RFT1: variants seen among roughly 807,000 people sequenced by gnomAD.
RFT1 encodes the protein man(5)GlcNAc(2)-PP-dolichol translocation protein RFT1.
In RFT1, 43 loss-of-function variants were observed where a neutral mutation model predicts 62.2. The ratio of observed to expected loss-of-function variants is 0.69; its 90% CI spans 0.54 to 0.89. The LOEUF (loss-of-function observed/expected upper bound fraction) is 0.89. Among genes scored for constraint, RFT1 ranks in the 40% least tolerant of loss-of-function variants. The pLI is 0.00. For missense variants in RFT1, 605 were observed against 649.9 expected, an observed-to-expected ratio of 0.93 and a Z score of 0.75; for synonymous variants, 262 against 264.6, an observed-to-expected ratio of 0.99 and a Z score of 0.10.
chr3:53,099,465 T>C lies in RFT1; in HGVS notation c.1124A>G (p.Tyr375Cys), dbSNP rs1701249101. Residue 375 changes from tyrosine to cysteine, a missense_variant, in exon 11 of 13, where the codon TAC becomes TGC. Coordinates refer to ENST00000296292, the MANE Select transcript of RFT1 (RefSeq NM_052859.4). ...SGSGPVLLRS[Y>C]CLYVLLLAIN... ...GGCAAGCAGGAGAACATAGAGACAG[T>C]AGGAACGCAGCAAAACAGGACCTAC... is the stretch of plus-strand genomic sequence containing the variant. 1 of 1,613,598 alleles carries C rather than the reference T, an allele frequency of 6.2e-7. No individual in the cohort carries two copies. Among genetic ancestry groups the C allele is most frequent in the Non-Finnish European group, 8.5e-7 (1 of 1,179,844 alleles).
the RFT1 span, among the ~76,000 whole-genome samples, chr3:53,067,888 C>T: frequency 3.9e-5 from 6 of 152,168 alleles, no homozygotes; most frequent in Non-Finnish European, 7.3e-5. Flanking sequence ...TACAGCAGGG[C>T]GATTTTGGTG....
rs2107109292 is a variant in RFT1, at chr3:53,104,067, C to G, written c.988G>C (p.Glu330Gln). ...AGCAGGGCCAGCTTGAGCAGGGACT[C>G]CAAGACTGCAGCAGCCACAGCAACG... ...EDVAVAAAVL[E>Q]SLLKLALLAG... Residue 330 changes from glutamate to glutamine, a missense_variant, in exon 10 of 13, where the codon GAG becomes CAG. By Grantham distance (29) the Glu-to-Gln change is conservative. Coordinates refer to ENST00000296292, the MANE Select transcript of RFT1 (RefSeq NM_052859.4). 2.5e-6 allele frequency: 4 copies of G among 1,614,094 alleles called. No individual in the cohort carries two copies. Among genetic ancestry groups the G allele is most frequent in the Non-Finnish European group, 3.4e-6 (4 of 1,180,016 alleles).
the RFT1 span, among the ~76,000 whole-genome samples, chr3:53,067,223 G>A: frequency 1.3e-5 from 2 of 152,176 alleles, no homozygotes; most frequent in Non-Finnish European, 2.9e-5. Flanking sequence ...GAGCATGTCT[G>A]TAGTCCCAGC....
the RFT1 span, among the ~76,000 whole-genome samples, chr3:53,073,381 AG>A: frequency 1.7e-4 from 26 of 152,178 alleles, no homozygotes; most frequent in Middle Eastern, 3.4e-3. Flanking sequence ...CCGCAAGTGG[AG>A]GGGGCGGGGA....
At chr3:53,119,171 G>A (rs1701896955) in intron 6 of RFT1, among the ~76,000 whole-genome samples, 1 of 151,586 alleles carries the variant, frequency 6.6e-6, no homozygotes, top group Admixed American at 6.6e-5. Flanking sequence ...CTATGATCAC[G>A]CCACTATGGG....
At position 53,088,665 on chromosome 3, in the gene RFT1, C is replaced by A. The variant is rs1203221097; in HGVS notation, c.*3238G>T. On this transcript the variant is annotated 3_prime_UTR_variant, in exon 13 of 13. Coordinates refer to ENST00000296292, the MANE Select transcript of RFT1 (RefSeq NM_052859.4). Reference sequence around the variant, plus strand: ...TCAAGGCAACAGTGAGATCCAGTCTCTACAAAAAAAAATTAGAAATTAGCT... The same window carrying A: ...TCAAGGCAACAGTGAGATCCAGTCTATACAAAAAAAAATTAGAAATTAGCT... 3 of 150,950 alleles carry A rather than the reference C, an allele frequency of 2.0e-5. No individual in the cohort carries two copies. In the East Asian group the frequency reaches 5.9e-4, roughly 29 times the overall value. 9.4% of individuals were successfully genotyped at this position (150,950 alleles called of 1,614,324 possible). A position where few individuals can be genotyped will look rare whatever the true frequency, so the allele number is the denominator to read the frequency against.
intron 3 of RFT1, among the ~76,000 whole-genome samples, chr3:53,123,112 A>G (rs901043287): frequency 6.6e-6 from 1 of 152,244 alleles, no homozygotes; most frequent in Non-Finnish European, 1.5e-5. Flanking sequence ...AGCCCTCATG[A>G]CAGTCATTTC....
At chr3:53,110,594 G>C (rs1044346559) in intron 7 of RFT1, among the ~76,000 whole-genome samples, 5 of 152,156 alleles carry the variant, frequency 3.3e-5, no homozygotes, top group African/African-American at 1.2e-4. Flanking sequence ...TCACAGATGG[G>C]GAAAGCGAGG....
chr3:53,094,300 T>C (rs956744035), intron 11 of RFT1, among the ~76,000 whole-genome samples: 6 of 152,024 alleles, frequency 3.9e-5, no homozygotes, highest in African/African-American at 1.5e-4. Context: ...GCCAAGGTGC[T>C]GTGTGCTGTG....
chr3:53,086,504 C>T (rs544195940), downstream of RFT1, among the ~76,000 whole-genome samples: 3 of 151,950 alleles, frequency 2.0e-5, no homozygotes, highest in African/African-American at 4.8e-5. Context: ...TTAGTAGTGA[C>T]GGGGTTTCAC....
intron 11 of RFT1, among the ~76,000 whole-genome samples, chr3:53,098,463 C>T (rs976549892): frequency 1.3e-5 from 2 of 152,148 alleles, no homozygotes; most frequent in African/African-American, 2.4e-5. Flanking sequence ...CATGGCCAGG[C>T]TTCTGAGGGC....
intron 3 of RFT1, among the ~76,000 whole-genome samples, 172 bp from the exon 4 acceptor site, chr3:53,122,735 C>T (rs957740891): frequency 1.3e-5 from 2 of 152,124 alleles, no homozygotes; most frequent in African/African-American, 2.4e-5. Flanking sequence ...CTCACTGACA[C>T]CTCACAATGA....
the RFT1 span, among the ~76,000 whole-genome samples, chr3:53,080,299 T>C: frequency 6.6e-6 from 1 of 152,242 alleles, no homozygotes; most frequent in East Asian, 1.9e-4. Flanking sequence ...TGGCGTTTCT[T>C]CCCCGGGCCT....
rs1700930155 is a variant in RFT1 at position 53,089,355 on chromosome 3, G to C, written c.*2548C>G. ...AGGAGCACAGGAAGTCAGCGATACT[G>C]TTCTTCTCACCAACGAATGCTCCTT... is the stretch of plus-strand genomic sequence containing the variant. On this transcript the variant is annotated 3_prime_UTR_variant, in exon 13 of 13. Coordinates refer to ENST00000296292, the MANE Select transcript of RFT1 (RefSeq NM_052859.4). 6.6e-6 allele frequency: 1 copy of C among 152,250 alleles called. No individual in the cohort carries two copies. The highest frequency in any genetic ancestry group is 1.5e-5 in the Non-Finnish European group (1 of 68,070). 9.4% of individuals were successfully genotyped at this position (152,250 alleles called of 1,614,324 possible).
At chr3:53,114,816 C>A (rs999180099) in intron 6 of RFT1, among the ~76,000 whole-genome samples, 1 of 152,154 alleles carries the variant, frequency 6.6e-6, no homozygotes, top group African/African-American at 2.4e-5. Flanking sequence ...GGAATCAGAA[C>A]TCAGAGGCTC....
intron 7 of RFT1, among the ~76,000 whole-genome samples, chr3:53,110,960 A>G (rs143060965): frequency 8.4e-4 from 128 of 152,314 alleles, no homozygotes; most frequent in Middle Eastern, 3.4e-3. Flanking sequence ...GGCCCTCCAC[A>G]TTGAGAGCTC....
intron 6 of RFT1, among the ~76,000 whole-genome samples, chr3:53,115,382 G>A (rs960560518): frequency 1.3e-5 from 2 of 152,048 alleles, no homozygotes; most frequent in African/African-American, 2.4e-5. Context: ...TGTAAGAGAC[G>A]GCAAGCTCCT....
intron 7 of RFT1, among the ~76,000 whole-genome samples, chr3:53,107,506 T>C (rs1401634805): frequency 6.6e-6 from 1 of 151,824 alleles, no homozygotes; most frequent in Non-Finnish European, 1.5e-5. Context: ...TAGTCCCAAG[T>C]CTTAAGGGGA....
Position 53,121,812 on chromosome 3 carries a change from T to C in RFT1, c.457-12A>G. Reference sequence around the variant, plus strand: ...CTCTCTGCAATCACCTGCAAACATGTGGTTAAGGTGCAGTTTACAAACATC... The same window carrying C: ...CTCTCTGCAATCACCTGCAAACATGCGGTTAAGGTGCAGTTTACAAACATC... On this transcript the variant is annotated splice_polypyrimidine_tract_variant and intron_variant, in intron 4 of 12. Coordinates refer to ENST00000296292, the MANE Select transcript of RFT1 (RefSeq NM_052859.4). 1 of 1,599,752 alleles carries C rather than the reference T, an allele frequency of 6.3e-7. No individual in the cohort carries two copies. Among genetic ancestry groups the C allele is most frequent in the Non-Finnish European group, 8.6e-7 (1 of 1,168,934 alleles).
Sources: gnomAD v4.1 joint callset for allele counts (sites outside exome capture counted in the v4.1 genomes callset) on GRCh38, gnomAD v4.1.1 for gene constraint, MANE v1.5 for transcripts, NCBI Gene and HGNC (gene_info 2026-07-23, HGNC 2026-07-21) for gene names.